BUB1: variants seen among roughly 807,000 people sequenced by gnomAD.
BUB1 encodes BUB1 mitotic checkpoint serine/threonine kinase, also known as mitotic checkpoint serine/threonine-protein kinase BUB1.
BUB1 carries 84 observed loss-of-function variants against 135.2 expected under a neutral mutation model. The observed-to-expected ratio is 0.62, with a 90% CI of 0.52 to 0.74. The LOEUF (loss-of-function observed/expected upper bound fraction) is 0.74, where lower values mean the gene tolerates loss of function less well. BUB1 is among the 30% of genes least tolerant of loss of function. The pLI is 0.00. For missense variants in BUB1, 1,162 were observed against 1,288.3 expected, an observed-to-expected ratio of 0.90 and a Z score of 1.50; for synonymous variants, 403 against 434.4, an observed-to-expected ratio of 0.93 and a Z score of 0.90.
intron 13 of BUB1, 111 bp from the exon 14 acceptor site, chr2:110,657,756 T>C (rs936516938): frequency 4.3e-5 from 30 of 702,532 alleles, no homozygotes; most frequent in Non-Finnish European, 6.3e-5. Context: ...AGAAAAGAAC[T>C]AATATCAGCT....
Position 110,666,420 on chromosome 2 carries a change from G to A in BUB1, c.806-6C>T. The A allele has an allele frequency of 1.4e-6, 2 of 1,383,282 alleles. No homozygotes were observed. The highest frequency in any genetic ancestry group is 2.7e-5 in the East Asian group (1 of 37,300). The allele number at this position is 1,383,282 out of a possible 1,614,324, so 85.7% of individuals were successfully genotyped here. A position where few individuals can be genotyped will look rare whatever the true frequency, so the allele number is the denominator to read the frequency against. The stretch of plus-strand genomic sequence containing the variant: ...ATAATGTCTGTCTTCATTTACTTTA[G>A]GAAAGATAGAAATGGTTTGCATGCA... On this transcript the variant is annotated splice_region_variant and splice_polypyrimidine_tract_variant and intron_variant, in intron 8 of 24. Transcript: ENST00000302759.
intron 19 of BUB1, 43 bp downstream of exon 19, chr2:110,649,191 G>A: frequency 7.6e-6 from 12 of 1,571,048 alleles, no homozygotes; most frequent in Non-Finnish European, 1.0e-5. Flanking sequence ...ACTTCTCATA[G>A]AGAAACAAGA....
At chr2:110,643,408 T>G (rs755867500) in intron 19 of BUB1, among the ~76,000 whole-genome samples, 4 of 152,240 alleles carry the variant, frequency 2.6e-5, no homozygotes, top group Non-Finnish European at 4.4e-5. Context: ...TAGCCTCTTA[T>G]GTAGTGACAG....
chr2:110,665,496 T>C (rs773428046), intron 9 of BUB1, among the ~76,000 whole-genome samples: 3 of 151,610 alleles, frequency 2.0e-5, no homozygotes, highest in East Asian at 1.9e-4. Context: ...TGAACAGTTA[T>C]CATACCACTG....
chr2:110,675,621 T>G (rs1190313027), intron 1 of BUB1, among the ~76,000 whole-genome samples: 1 of 151,854 alleles, frequency 6.6e-6, no homozygotes, highest in Admixed American at 6.6e-5. Flanking sequence ...TTTTTTTTTT[T>G]GAAAAAACGA....
At chr2:110,663,646 G>C (rs897727777) in intron 9 of BUB1, among the ~76,000 whole-genome samples, 1 of 152,186 alleles carries the variant, frequency 6.6e-6, no homozygotes, top group Non-Finnish European at 1.5e-5. Flanking sequence ...CTAATTGCTA[G>C]ACAAGTTCAG....
At chr2:110,668,699 G>A (rs1690335983) in intron 6 of BUB1, among the ~76,000 whole-genome samples, 1 of 152,172 alleles carries the variant, frequency 6.6e-6, no homozygotes, top group South Asian at 2.1e-4. Context: ...TCTCCACAGG[G>A]CAAAAACCTT....
rs143510997 is a variant in BUB1, at chr2:110,647,031, G to C, written c.2347+2203C>G. 2.7e-3 allele frequency among the ~76,000 whole-genome samples: 404 copies of C among 152,220 alleles called. 1 individual carries two copies. The highest frequency in any genetic ancestry group is 9.1e-3 in the African/African-American group (380 of 41,540). On this transcript the variant is annotated intron_variant, in intron 19 of 24. Coordinates refer to ENST00000302759, the MANE Select transcript of BUB1 (RefSeq NM_004336.5). Reference sequence around the variant, plus strand: ...CAGTCCTATATCTGTTAAAGAAATGGAATCAGTAATTGATAACCTTCCAAA... The same window carrying C: ...CAGTCCTATATCTGTTAAAGAAATGCAATCAGTAATTGATAACCTTCCAAA...
At chr2:110,674,479 C>A in intron 1 of BUB1, 114 bp from the exon 2 acceptor site, 1 of 886,720 alleles carries the variant, frequency 1.1e-6, no homozygotes, top group Non-Finnish European at 1.8e-6. Context: ...TCTTAAATAT[C>A]AATCATTTTA....
intron 24 of BUB1, among the ~76,000 whole-genome samples, chr2:110,639,069 C>T (rs566302040): frequency 3.9e-4 from 59 of 151,732 alleles, no homozygotes; most frequent in Non-Finnish European, 7.9e-4. Flanking sequence ...TGTTTTTATG[C>T]CTCAAAAAAG....
intron 1 of BUB1, among the ~76,000 whole-genome samples, chr2:110,677,413 G>A (rs142449479): frequency 5.9e-5 from 9 of 152,166 alleles, no homozygotes; most frequent in Admixed American, 5.9e-4. Context: ...ACAAAGGCGT[G>A]GGAACTTTAA....
intron 9 of BUB1, 190 bp downstream of exon 9, chr2:110,666,073 C>T: frequency 2.2e-6 from 1 of 456,506 alleles, no homozygotes; most frequent in Non-Finnish European, 3.6e-6. Context: ...AAACATACTA[C>T]CATTCTGTTT....
intron 6 of BUB1, among the ~76,000 whole-genome samples, chr2:110,668,384 G>C (rs978443568): frequency 6.6e-6 from 1 of 152,142 alleles, no homozygotes; most frequent in African/African-American, 2.4e-5. Context: ...GACAATAGGT[G>C]GTCAGGAGGG....
rs904252763 is a variant in BUB1 at position 110,648,596 on chromosome 2, C to T, written c.2347+638G>A. 5.3e-5 allele frequency among the ~76,000 whole-genome samples: 8 copies of T among 152,108 alleles called. No individual in the cohort carries two copies. Among genetic ancestry groups the T allele is most frequent in the African/African-American group, 1.2e-4 (5 of 41,410 alleles). The stretch of plus-strand genomic sequence containing the variant: ...CATTGGCTTAATTTTAACAAATGTA[C>T]CACACTCATGCAAGATGTTAGTAAC... On this transcript the variant is annotated intron_variant, in intron 19 of 24. Transcript: ENST00000302759. The surrounding 1 kb of genome is among the most constrained non-coding windows in gnomAD (Gnocchi z 4.2).
At chr2:110,658,818 A>G in intron 11 of BUB1, 76 bp from the exon 12 acceptor site, 3 of 1,553,882 alleles carry the variant, frequency 1.9e-6, no homozygotes, top group Non-Finnish European at 2.6e-6. Flanking sequence ...AATTTAAGTA[A>G]GTTACAATTA....
intron 1 of BUB1, among the ~76,000 whole-genome samples, chr2:110,674,605 G>T (rs1559176758): frequency 6.6e-6 from 1 of 152,226 alleles, no homozygotes; most frequent in Non-Finnish European, 1.5e-5. Flanking sequence ...AGCAGCCAGT[G>T]TTTTTCCATA....
At chr2:110,672,623 A>G in intron 4 of BUB1, 38 bp downstream of exon 4, 2 of 1,514,578 alleles carry the variant, frequency 1.3e-6, no homozygotes, top group Non-Finnish European at 8.9e-7. Flanking sequence ...TACTTTTCAA[A>G]GTCAGAATCA....
At position 110,639,853 on chromosome 2, in the gene BUB1, G is replaced by A; in HGVS notation, c.2956-5C>T. 1 of 1,603,700 alleles carries A rather than the reference G, an allele frequency of 6.2e-7. No homozygotes were observed. Among genetic ancestry groups the A allele is most frequent in the Non-Finnish European group, 8.5e-7 (1 of 1,170,558 alleles). Reference sequence around the variant, plus strand: ...AGCAACCCCAAAGTAATCGATCTATGAAGAAGATAGAGGTATATATGACTT... The same window carrying A: ...AGCAACCCCAAAGTAATCGATCTATAAAGAAGATAGAGGTATATATGACTT... On this transcript the variant is annotated splice_polypyrimidine_tract_variant and splice_region_variant and intron_variant, in intron 23 of 24. Coordinates refer to ENST00000302759, the MANE Select transcript of BUB1 (RefSeq NM_004336.5).
At position 110,641,429 on chromosome 2, in the gene BUB1, T is replaced by G; in HGVS notation, c.2661A>C (p.Lys887Asn). ...AINLYKNTPEKVMPQGLVISF... is the reference protein window; with the variant it reads ...AINLYKNTPENVMPQGLVISF... ...AGATGACAAGACCTTGAGGCATCAC[T>G]TTTTCAGGGGTATTTTTATAGAGGT... The change falls in exon 22 of 25, where the codon AAA becomes AAC. Residue 887 changes from lysine to asparagine, a missense_variant. Transcript: ENST00000302759. 1 of 1,613,318 alleles carries G rather than the reference T, an allele frequency of 6.2e-7. No individual in the cohort carries two copies. Among genetic ancestry groups the G allele is most frequent in the South Asian group, 1.1e-5 (1 of 90,802 alleles).
Sources: allele counts gnomAD v4.1 joint callset (sites outside exome capture counted in the v4.1 genomes callset), GRCh38; gene constraint gnomAD v4.1.1; non-coding constraint Gnocchi (gnomAD v3.1); transcripts MANE v1.5; gene names NCBI Gene and HGNC (gene_info 2026-07-23, HGNC 2026-07-21).